CADPS: variants seen among roughly 807,000 people sequenced by gnomAD.
CADPS encodes calcium dependent secretion activator, also known as calcium-dependent secretion activator 1.
Under a neutral mutation model 167.3 loss-of-function variants are expected in CADPS, and 57 were observed. That is an observed-to-expected ratio of 0.34 (90% CI 0.28 to 0.42). The LOEUF (loss-of-function observed/expected upper bound fraction) is 0.42, where lower values mean the gene tolerates loss of function less well. Ranked by LOEUF, CADPS falls within the 20% of genes least tolerant of loss-of-function variation. The pLI, the probability that CADPS is intolerant of heterozygous loss-of-function variation, is 1.00. For synonymous variants in CADPS, 676 were observed against 635.3 expected (o/e 1.06, Z -0.96); for missense variants, 1,414 against 1,738.1 (o/e 0.81, Z 3.32).
chr3:62,418,680 A>C (rs761547460), intron 28 of CADPS, among the ~76,000 whole-genome samples: 3 of 151,684 alleles, frequency 2.0e-5, no homozygotes, highest in Admixed American at 6.6e-5. Flanking sequence ...ATGCCCTATT[A>C]ATATCAACTT....
At chr3:62,740,864 A>G (rs923263710) in intron 3 of CADPS, among the ~76,000 whole-genome samples, 1 of 152,218 alleles carries the variant, frequency 6.6e-6, no homozygotes, top group African/African-American at 2.4e-5. Context: ...GGTTACATCG[A>G]TAATAAATAG....
rs144887372 is a variant in CADPS, at chr3:62,458,581, C to T, written c.3636+6786G>A. Among the ~76,000 whole-genome samples the T allele has an allele frequency of 0.031, 4,659 of 152,180 alleles. 101 individuals carry two copies. Among genetic ancestry groups the T allele is most frequent in the Middle Eastern group, 0.071 (21 of 294 alleles). ...TCAGCTCACTACAACCTCCGCCTCC[C>T]GAGTTCAAGCAATTCTCCTGGCTCA... On this transcript the variant is annotated intron_variant, in intron 26 of 29. Coordinates refer to ENST00000383710, the MANE Select transcript of CADPS (RefSeq NM_003716.4). This position sits in a 1 kb window ranked among gnomAD's most constrained non-coding sequence, Gnocchi z 4.6.
rs546059749 is a variant in CADPS at position 62,835,127 on chromosome 3, C to A, written c.441+39462G>T. Among the ~76,000 whole-genome samples, 50 of 152,078 alleles carry A rather than the reference C, an allele frequency of 3.3e-4. 1 individual carries two copies. The South Asian group carries it at 9.8e-3, about 30-fold the overall frequency. ...AAATTCACTTTATGAAGAAACTGTCCCAGTAATAGCTTTTGAATTGGAAAA... is the reference window on the plus strand; with the variant it reads ...AAATTCACTTTATGAAGAAACTGTCACAGTAATAGCTTTTGAATTGGAAAA... On this transcript the variant is annotated intron_variant, in intron 1 of 29. Transcript: ENST00000383710.
intron 1 of CADPS, chr3:62,795,974 GTT>G (rs1446771168): frequency 1.3e-5 from 2 of 152,274 alleles, no homozygotes; most frequent in Non-Finnish European, 2.9e-5. Flanking sequence ...AATGTTAGAT[GTT>G]TAAGTGTGAG....
At chr3:62,641,224 C>T (rs2067350816) in intron 6 of CADPS, among the ~76,000 whole-genome samples, 1 of 152,162 alleles carries the variant, frequency 6.6e-6, no homozygotes, top group Admixed American at 6.5e-5. Flanking sequence ...TAACTGGATG[C>T]TGTTGCCTGC....
Position 62,673,372 on chromosome 3 carries a change from G to C in CADPS, c.889-10978C>G, listed in dbSNP as rs545708238. Reference sequence around the variant, plus strand: ...AAACTTATTAAATTCTGTTGAATGAGTAAATGAAAGTGAGTATTTAAGTGC... The same window carrying C: ...AAACTTATTAAATTCTGTTGAATGACTAAATGAAAGTGAGTATTTAAGTGC... On this transcript the variant is annotated intron_variant, in intron 3 of 29. Transcript: ENST00000383710. 5.3e-5 allele frequency among the ~76,000 whole-genome samples: 8 copies of C among 152,310 alleles called. No homozygotes were observed. In the South Asian group the frequency reaches 1.7e-3, roughly 32 times the overall value.
rs1274166986 is a variant in CADPS at position 62,478,358 on chromosome 3, T to C, written c.3232A>G (p.Ile1078Val). The C allele has an allele frequency of 6.2e-7, 1 of 1,613,866 alleles. No homozygotes were observed. Among genetic ancestry groups the C allele is most frequent in the Non-Finnish European group, 8.5e-7 (1 of 1,179,818 alleles). The stretch of plus-strand genomic sequence containing the variant: ...TCTTCAGGCCAGTGCAGGTCCCGAA[T>C]GAAGGTCTGAAGGGCGTCAAGTTTC... ...FWKLDALQTF[I>V]RDLHWPEEEF... is the part of the protein sequence containing the mutation. The change falls in exon 23 of 30, where the codon ATT becomes GTT. Residue 1078 changes from isoleucine (I) to valine (V), a missense_variant. Ile to Val is a conservative substitution (Grantham distance 29). Coordinates refer to ENST00000383710, the MANE Select transcript of CADPS (RefSeq NM_003716.4). The surrounding 1 kb of genome is among the most constrained non-coding windows in gnomAD (Gnocchi z 5.7).
chr3:62,722,697 T>C (rs1039791033), intron 3 of CADPS, among the ~76,000 whole-genome samples: 1 of 152,212 alleles, frequency 6.6e-6, no homozygotes, highest in African/African-American at 2.4e-5. Flanking sequence ...GTTTCCATAA[T>C]TGAAAGAGCA....
intron 17 of CADPS, among the ~76,000 whole-genome samples, chr3:62,510,952 A>C (rs1441577471): frequency 1.3e-5 from 2 of 152,098 alleles, no homozygotes; most frequent in African/African-American, 2.4e-5. Flanking sequence ...CTTCAAACCC[A>C]TCTCTGCTTT....
intron 1 of CADPS, among the ~76,000 whole-genome samples, chr3:62,816,156 T>C (rs958559592): frequency 1.3e-5 from 2 of 152,164 alleles, no homozygotes; most frequent in African/African-American, 4.8e-5. Context: ...AATATTGTTA[T>C]GGCCAAAAGG....
chr3:62,712,707 A>C (rs9881771), intron 3 of CADPS, among the ~76,000 whole-genome samples: 25,754 of 152,162 alleles, frequency 0.17, 2,787 homozygotes, highest in African/African-American at 0.32. Flanking sequence ...AATAAAATGC[A>C]CTTTTAAAAA....
intron 28 of CADPS, among the ~76,000 whole-genome samples, chr3:62,417,085 G>A (rs1334141286): frequency 6.6e-6 from 1 of 151,808 alleles, no homozygotes; most frequent in African/African-American, 2.4e-5. Flanking sequence ...ATTTTTCACT[G>A]GCCTGTGAAT....
In CADPS at chr3:62,753,998, C is replaced by G. The variant is rs2083291239; in HGVS notation, c.556-225G>C. 1.3e-5 allele frequency among the ~76,000 whole-genome samples: 2 copies of G among 152,102 alleles called. No homozygotes were observed. Among genetic ancestry groups the G allele is most frequent in the African/African-American group, 2.4e-5 (1 of 41,426 alleles). ...AAGATGAGAATAACAATTGTACTTA[C>G]CAGGTTGGTGCAAGGATTAAATGAG... On this transcript the variant is annotated intron_variant, in intron 2 of 29. Transcript: ENST00000383710. The surrounding 1 kb of genome is among the most constrained non-coding windows in gnomAD (Gnocchi z 4.6).
At chr3:62,454,165 A>T (rs1317880610) in intron 26 of CADPS, among the ~76,000 whole-genome samples, 1 of 152,222 alleles carries the variant, frequency 6.6e-6, no homozygotes, top group Non-Finnish European at 1.5e-5. Flanking sequence ...ATTTCAGATA[A>T]TGGAAAAGAG....
intron 1 of CADPS, among the ~76,000 whole-genome samples, chr3:62,861,424 T>A (rs182667822): frequency 1.1e-3 from 172 of 152,264 alleles, no homozygotes; most frequent in African/African-American, 3.8e-3. Context: ...AAGACAAAGA[T>A]CAACAATTGC....
At chr3:62,652,411 A>G (rs924465356) in intron 4 of CADPS, among the ~76,000 whole-genome samples, 1 of 151,784 alleles carries the variant, frequency 6.6e-6, no homozygotes, top group Non-Finnish European at 1.5e-5. Flanking sequence ...AAAAAAAAAA[A>G]AAAAAAAAAA....
chr3:62,628,166 G>C (rs953050925), intron 6 of CADPS, among the ~76,000 whole-genome samples: 4 of 152,292 alleles, frequency 2.6e-5, no homozygotes, highest in Admixed American at 2.6e-4. Context: ...AACACTCCCT[G>C]ACACGTGCAG....
At position 62,753,419 on chromosome 3, in the gene CADPS, G is replaced by C. The variant is rs765225993; in HGVS notation, c.888+22C>G. ...CAGCTCTGCTTACCCACAGCTCTAG[G>C]CCCAGGCGAGAAACACCTTACCTGG... is the stretch of plus-strand genomic sequence containing the variant. On this transcript the variant is annotated intron_variant, in intron 3 of 29. Transcript: ENST00000383710. The surrounding 1 kb of genome is among the most constrained non-coding windows in gnomAD (Gnocchi z 4.6). 2 of 1,571,940 alleles carry C rather than the reference G, an allele frequency of 1.3e-6. No individual in the cohort carries two copies. The highest frequency in any genetic ancestry group is 2.7e-5 in the African/African-American group (2 of 74,156).
chr3:62,399,639 G>A lies in CADPS; in HGVS notation c.3883-54C>T, dbSNP rs1705153742. On this transcript the variant is annotated intron_variant, in intron 29 of 29. Coordinates refer to ENST00000383710, the MANE Select transcript of CADPS (RefSeq NM_003716.4). This position sits in a 1 kb window ranked among gnomAD's most constrained non-coding sequence, Gnocchi z 5.6. ...AGAGATCTCATCTCCATGATGGGGA[G>A]GGAGAAGGTAAAAGCAGGTGTGGGT... 1 of 1,495,178 alleles carries A rather than the reference G, an allele frequency of 6.7e-7. No individual in the cohort carries two copies. 92.6% of individuals were successfully genotyped at this position (1,495,178 alleles called of 1,614,324 possible).
Sources: allele counts gnomAD v4.1 joint callset (sites outside exome capture counted in the v4.1 genomes callset), GRCh38; gene constraint gnomAD v4.1.1; non-coding constraint Gnocchi (gnomAD v3.1); transcripts MANE v1.5; gene names NCBI Gene and HGNC (gene_info 2026-07-23, HGNC 2026-07-21).